GRIP1: variants seen among roughly 807,000 people sequenced by gnomAD.
The protein encoded by GRIP1 is glutamate receptor-interacting protein 1.
A neutral mutation model predicts 129.9 loss-of-function variants in GRIP1; 45 were observed. That is an observed-to-expected ratio of 0.35 (90% CI 0.27 to 0.44). GRIP1 has a LOEUF of 0.44. Ranked by LOEUF, GRIP1 falls within the 20% of genes least tolerant of loss-of-function variation. GRIP1 has a pLI of 1.00. For synonymous variants in GRIP1, 530 were observed against 520.8 expected, an observed-to-expected ratio of 1.02 and a Z score of -0.24; for missense variants, 1,196 against 1,396.8, an observed-to-expected ratio of 0.86 and a Z score of 2.29.
At chr12:66,698,800 C>T (rs1258784106) in intron 1 of GRIP1, among the ~76,000 whole-genome samples, 2 of 152,120 alleles carry the variant, frequency 1.3e-5, no homozygotes, top group Non-Finnish European at 2.9e-5. Context: ...CCAATGTTAC[C>T]ATAACAAACT....
chr12:66,922,148 T>TC (rs2041223542), intron 1 of GRIP1, among the ~76,000 whole-genome samples: 1 of 152,214 alleles, frequency 6.6e-6, no homozygotes. Flanking sequence ...GAAATTCTCT[T>TC]TGGGAAAGAA....
At chr12:66,903,465 C>T (rs1328826808) in intron 1 of GRIP1, among the ~76,000 whole-genome samples, 1 of 152,020 alleles carries the variant, frequency 6.6e-6, no homozygotes, top group Non-Finnish European at 1.5e-5. Flanking sequence ...TCCTCACCTA[C>T]TTTTACAATT....
intron 2 of GRIP1, among the ~76,000 whole-genome samples, chr12:66,580,281 T>C (rs1331512361): frequency 2.7e-5 from 4 of 150,316 alleles, no homozygotes; most frequent in African/African-American, 7.4e-5. Flanking sequence ...AAGGAACAAC[T>C]GGTACCAGCT....
chr12:66,744,992 G>A (rs773505850), intron 1 of GRIP1, among the ~76,000 whole-genome samples: 4 of 152,086 alleles, frequency 2.6e-5, no homozygotes, highest in Non-Finnish European at 5.9e-5. Flanking sequence ...TAGGAGTATC[G>A]CTTTGCAGGG....
intron 23 of GRIP1, among the ~76,000 whole-genome samples, chr12:66,362,223 G>A (rs1433884333): frequency 3.5e-5 from 5 of 143,006 alleles, no homozygotes; most frequent in African/African-American, 7.9e-5. Flanking sequence ...GTGTGATCTC[G>A]GCTCACCACA....
rs143333832 is a variant in GRIP1, at chr12:66,652,845, C to A, written c.55+26005G>T. On this transcript the variant is annotated intron_variant, in intron 1 of 24. Coordinates refer to ENST00000359742, the MANE Select transcript of GRIP1 (RefSeq NM_001366722.1). ...AGACACTCTTGGACTTCCATTAGGG[C>A]CTGTGTATGCCTTGCATATGGTGGA... is the stretch of plus-strand genomic sequence containing the variant. Among the ~76,000 whole-genome samples the A allele has an allele frequency of 4.1e-3, 621 of 152,270 alleles. 2 individuals are homozygous for A. Among genetic ancestry groups the A allele is most frequent in the Middle Eastern group, 0.01 (3 of 294 alleles).
chr12:66,651,955 T>C (rs2032827486), intron 1 of GRIP1, among the ~76,000 whole-genome samples: 1 of 152,174 alleles, frequency 6.6e-6, no homozygotes, highest in South Asian at 2.1e-4. Context: ...TTGTGGCATC[T>C]GGAAATACTT....
intron 1 of GRIP1, among the ~76,000 whole-genome samples, chr12:66,765,654 C>A (rs757370267): frequency 2.6e-5 from 4 of 152,174 alleles, no homozygotes; most frequent in Non-Finnish European, 4.4e-5. Flanking sequence ...CACTGTGGAA[C>A]ATGCTGACTT....
chr12:66,705,351 A>G lies in GRIP1; in HGVS notation c.-419-75015T>C, dbSNP rs117036414. ...TACCTAGGAATACATCTAACAAGGG[A>G]TATGAGGAGCCTCTTCAAAAAGAAC... is the stretch of plus-strand genomic sequence containing the variant. On this transcript the variant is annotated intron_variant, in intron 1 of 4. Coordinates refer to the GRIP1 transcript ENST00000538373. 4.1e-3 allele frequency among the ~76,000 whole-genome samples: 625 copies of G among 152,214 alleles called. 6 individuals are homozygous for G. Among genetic ancestry groups the G allele is most frequent in the Admixed American group, 5.8e-3 (89 of 15,274 alleles).
At chr12:66,617,693 C>CA (rs1335491733) in intron 1 of GRIP1, among the ~76,000 whole-genome samples, 2 of 151,258 alleles carry the variant, frequency 1.3e-5, no homozygotes, top group South Asian at 2.1e-4. Context: ...ACATCATAAC[C>CA]AAAAAACATT....
chr12:66,776,195 T>C (rs185940034), intron 1 of GRIP1, among the ~76,000 whole-genome samples: 3 of 152,304 alleles, frequency 2.0e-5, no homozygotes, highest in Non-Finnish European at 4.4e-5. Flanking sequence ...ACAAAACAGA[T>C]AGAAGCAAAT....
At chr12:66,749,527 G>C (rs2037058388) in intron 1 of GRIP1, among the ~76,000 whole-genome samples, 1 of 152,126 alleles carries the variant, frequency 6.6e-6, no homozygotes, top group African/African-American at 2.4e-5. Flanking sequence ...GTGTTTTACT[G>C]ACTCTTCTTA....
At chr12:66,815,829 T>TTTCTTTCC (rs1394566124) in intron 1 of GRIP1, among the ~76,000 whole-genome samples, 240 of 42,260 alleles carry the variant, frequency 5.7e-3, no homozygotes, top group Middle Eastern at 0.045. Flanking sequence ...GATTTCTTTC[T>TTTCTTTCC]TTCTTTCTTT....
rs536012416 is a variant in GRIP1, at chr12:66,831,182, C to T, written c.59-234255G>A. On this transcript the variant is annotated intron_variant, in intron 1 of 1. Coordinates refer to the GRIP1 transcript ENST00000643019. ...TCAGGAACCATCTGAAACTATTGCT[C>T]AAAAAAAGTAATATCTGAATTTCAT... is the stretch of plus-strand genomic sequence containing the variant. Among the ~76,000 whole-genome samples the T allele has an allele frequency of 4.6e-5, 7 of 151,992 alleles. No homozygotes were observed. In the South Asian group the frequency reaches 1.2e-3, roughly 27 times the overall value.
chr12:66,697,000 C>A (rs1389058691), intron 1 of GRIP1, among the ~76,000 whole-genome samples: 1 of 151,988 alleles, frequency 6.6e-6, no homozygotes, highest in African/African-American at 2.4e-5. Flanking sequence ...CTGTAAAGCA[C>A]AAAGTAACTT....
intron 19 of GRIP1, among the ~76,000 whole-genome samples, chr12:66,385,971 A>C (rs2137447745): frequency 6.6e-6 from 1 of 152,254 alleles, no homozygotes; most frequent in South Asian, 2.1e-4. Flanking sequence ...CTGGGTTTCC[A>C]TATCTGATCT....
At chr12:66,401,070 C>T (rs193178924) in intron 16 of GRIP1, among the ~76,000 whole-genome samples, 3 of 152,222 alleles carry the variant, frequency 2.0e-5, no homozygotes, top group East Asian at 1.9e-4. Flanking sequence ...TAATGGAAGA[C>T]GACAAATGCA....
intron 1 of GRIP1, among the ~76,000 whole-genome samples, chr12:66,940,542 T>A (rs2041568144): frequency 6.6e-6 from 1 of 152,298 alleles, no homozygotes; most frequent in South Asian, 2.1e-4. Context: ...AGGCAGCCAA[T>A]CATATACTAT....
At chr12:66,738,723 C>T (rs1392243685) in intron 1 of GRIP1, among the ~76,000 whole-genome samples, 1 of 152,090 alleles carries the variant, frequency 6.6e-6, no homozygotes, top group African/African-American at 2.4e-5. Context: ...TGGGGGCTTA[C>T]ATTAGCATGC....
Sources: allele counts gnomAD v4.1 joint callset (sites outside exome capture counted in the v4.1 genomes callset), GRCh38; gene constraint gnomAD v4.1.1; transcripts MANE v1.5; gene names NCBI Gene and HGNC (gene_info 2026-07-23, HGNC 2026-07-21).